The following FSTL5 variants were observed in gnomAD, a reference collection of about 807,000 sequenced individuals.
FSTL5 encodes follistatin like 5.
A neutral mutation model predicts 89.1 loss-of-function variants in FSTL5; 62 were observed. That is an observed-to-expected ratio of 0.70 (90% CI 0.57 to 0.86). The LOEUF is 0.86. Among genes scored for constraint, FSTL5 ranks in the 40% least tolerant of loss-of-function variants. The probability of loss-of-function intolerance (pLI) is 0.00; values close to 1 mark genes in which losing one functional copy is unlikely to be tolerated. For missense variants in FSTL5, 1,057 were observed against 1,001.6 expected (o/e 1.06, Z -0.75); for synonymous variants, 383 against 346.2 (o/e 1.11, Z -1.18).
At chr4:161,808,445 A>C (rs1225917069) in intron 4 of FSTL5, among the ~76,000 whole-genome samples, 1 of 152,190 alleles carries the variant, frequency 6.6e-6, no homozygotes, top group Non-Finnish European at 1.5e-5. Flanking sequence ...CGTGTCCATT[A>C]ATGGATTAAT....
chr4:162,118,579 T>A (rs1579042619), intron 1 of FSTL5, among the ~76,000 whole-genome samples: 1 of 152,204 alleles, frequency 6.6e-6, no homozygotes, highest in Non-Finnish European at 1.5e-5. Context: ...ATGGATTCCC[T>A]CTTTCAGAGA....
intron 3 of FSTL5, among the ~76,000 whole-genome samples, chr4:162,023,974 T>C (rs978424417): frequency 6.6e-6 from 1 of 151,974 alleles, no homozygotes; most frequent in Non-Finnish European, 1.5e-5. Flanking sequence ...ATAAGAGAAA[T>C]GTCAAGCAAA....
intron 7 of FSTL5, among the ~76,000 whole-genome samples, chr4:161,600,185 AC>A (rs879630627): frequency 1.4e-4 from 21 of 151,668 alleles, no homozygotes; most frequent in Non-Finnish European, 2.8e-4. Context: ...ACACACACAC[AC>A]ACACACACAC....
intron 4 of FSTL5, among the ~76,000 whole-genome samples, chr4:161,851,795 A>G (rs1731561120): frequency 6.6e-6 from 1 of 151,718 alleles, no homozygotes; most frequent in South Asian, 2.1e-4. Flanking sequence ...GGCTTCTCTT[A>G]AAGTTATGTA....
chr4:161,775,974 G>C lies in FSTL5; in HGVS notation c.510C>G (p.Gly170=), dbSNP rs764235242. 1 of 1,602,098 alleles carries C rather than the reference G, an allele frequency of 6.2e-7. No homozygotes were observed. The change falls in exon 5 of 16, where the codon GGC becomes GGG. Residue 170 remains glycine (G), a synonymous_variant. Coordinates refer to ENST00000306100, the MANE Select transcript of FSTL5 (RefSeq NM_020116.5). The part of the protein sequence containing the change: ...YIMQENENPN[G]DDISRKKLLV... Reference sequence around the variant, plus strand: ...ATAGCTTCTTCCGAGATATGTCGTCGCCATTAGGATTTTCATTTTCTTGCA... The same window carrying C: ...ATAGCTTCTTCCGAGATATGTCGTCCCCATTAGGATTTTCATTTTCTTGCA...
At chr4:161,638,397 A>T (rs1442474702) in intron 7 of FSTL5, among the ~76,000 whole-genome samples, 1 of 152,302 alleles carries the variant, frequency 6.6e-6, no homozygotes, top group Non-Finnish European at 1.5e-5. Flanking sequence ...ATATACAACC[A>T]TGTCGTCTGC....
At chr4:161,885,823 T>C (rs1342307406) in intron 4 of FSTL5, among the ~76,000 whole-genome samples, 2 of 152,124 alleles carry the variant, frequency 1.3e-5, no homozygotes, top group African/African-American at 4.8e-5. Flanking sequence ...GGAGATAGTA[T>C]TGTGTGTGTA....
intron 15 of FSTL5, among the ~76,000 whole-genome samples, chr4:161,401,828 A>G (rs1057007066): frequency 1.3e-5 from 2 of 152,120 alleles, no homozygotes; most frequent in Non-Finnish European, 2.9e-5. Context: ...CACCCAGCCT[A>G]TACCTAGATT....
chr4:161,965,752 T>C (rs1735307830), intron 3 of FSTL5, among the ~76,000 whole-genome samples: 1 of 152,126 alleles, frequency 6.6e-6, no homozygotes, highest in South Asian at 2.1e-4. Flanking sequence ...TGTGCTGGGC[T>C]GAGGCACTTA....
chr4:161,573,360 T>C (rs1192262348), intron 8 of FSTL5, among the ~76,000 whole-genome samples: 2 of 147,182 alleles, frequency 1.4e-5, no homozygotes, highest in African/African-American at 5.0e-5. Context: ...CAGTGAGCCT[T>C]GATTGCACAA....
intron 4 of FSTL5, among the ~76,000 whole-genome samples, chr4:161,838,746 C>T (rs901262420): frequency 1.3e-5 from 2 of 151,756 alleles, no homozygotes; most frequent in Non-Finnish European, 2.9e-5. Context: ...AACAGTCTGA[C>T]CAAATTAAAC....
At chr4:161,791,364 G>A (rs1368848482) in intron 4 of FSTL5, among the ~76,000 whole-genome samples, 23 of 151,966 alleles carry the variant, frequency 1.5e-4, no homozygotes, top group South Asian at 4.2e-4. Context: ...AACAATTTGA[G>A]ACAATTAGTA....
At chr4:161,953,119 G>A (rs359518) in intron 3 of FSTL5, among the ~76,000 whole-genome samples, 37,221 of 151,314 alleles carry the variant, frequency 0.25, 5,334 homozygotes, top group African/African-American at 0.4. Context: ...TCTCCCCTTA[G>A]CAGTTATCTC....
At chr4:162,023,790 C>T (rs1737182726) in intron 3 of FSTL5, among the ~76,000 whole-genome samples, 2 of 152,126 alleles carry the variant, frequency 1.3e-5, no homozygotes, top group Non-Finnish European at 2.9e-5. Flanking sequence ...GGATTTGCTG[C>T]CCCTGCATTA....
intron 10 of FSTL5, among the ~76,000 whole-genome samples, chr4:161,527,842 A>G (rs1396315956): frequency 6.6e-6 from 1 of 151,354 alleles, no homozygotes. Flanking sequence ...AGACACATGC[A>G]CACGTATGTT....
At chr4:161,534,581 C>G (rs1017367638) in intron 10 of FSTL5, among the ~76,000 whole-genome samples, 6 of 152,032 alleles carry the variant, frequency 3.9e-5, no homozygotes, top group South Asian at 2.1e-4. Flanking sequence ...AGAGATGACA[C>G]AAATGAACGG....
At chr4:162,115,176 T>G (rs1731587956) in intron 1 of FSTL5, among the ~76,000 whole-genome samples, 1 of 152,154 alleles carries the variant, frequency 6.6e-6, no homozygotes, top group Non-Finnish European at 1.5e-5. Flanking sequence ...TGTAAATAAC[T>G]ACTTTGTAAT....
chr4:161,767,903 AC>A (rs1741072415), intron 5 of FSTL5, among the ~76,000 whole-genome samples: 1 of 137,422 alleles, frequency 7.3e-6, no homozygotes, highest in African/African-American at 3.4e-5. Flanking sequence ...AGACACACCA[AC>A]GAAAAAAAAT....
At chr4:161,798,672 A>C (rs1239117499) in intron 4 of FSTL5, among the ~76,000 whole-genome samples, 1 of 151,500 alleles carries the variant, frequency 6.6e-6, no homozygotes, top group Non-Finnish European at 1.5e-5. Flanking sequence ...TCAGGTGAAC[A>C]CTCAAATTTG....
Sources: gnomAD v4.1 joint callset for allele counts (sites outside exome capture counted in the v4.1 genomes callset) on GRCh38, gnomAD v4.1.1 for gene constraint, MANE v1.5 for transcripts, NCBI Gene and HGNC (gene_info 2026-07-23, HGNC 2026-07-21) for gene names.